SLC27A1: variants seen among roughly 807,000 people sequenced by gnomAD.
The protein encoded by SLC27A1 is long-chain fatty acid transport protein 1.
In SLC27A1, 61 loss-of-function variants were observed where a neutral mutation model predicts 62.2. The observed-to-expected ratio is 0.98, with a 90% CI of 0.80 to 1.21. The LOEUF is 1.21. Ranked by LOEUF, SLC27A1 falls within the 50% of genes most tolerant of loss-of-function variation. The pLI, the probability that SLC27A1 is intolerant of heterozygous loss-of-function variation, is 0.00. For missense variants in SLC27A1, 903 were observed against 932.1 expected (o/e 0.97, Z 0.41); for synonymous variants, 435 against 408.6 (o/e 1.06, Z -0.78).
At chr19:17,489,265 C>A in intron 6 of SLC27A1, 148 bp downstream of exon 6, 1 of 658,912 alleles carries the variant, frequency 1.5e-6, no homozygotes, top group Non-Finnish European at 2.6e-6. Flanking sequence ...CTCTCCCAGC[C>A]AGGCCCCGCC....
At chr19:17,470,385 A>G (rs2075061549), upstream of SLC27A1, 5 of 865,880 alleles carry the variant, frequency 5.8e-6, no homozygotes, top group Non-Finnish European at 8.0e-6. Flanking sequence ...CTGGGGGCGG[A>G]GTCTGACTCG....
At chr19:17,469,431 G>C (rs1433849905), upstream of SLC27A1, among the ~76,000 whole-genome samples, 1 of 152,046 alleles carries the variant, frequency 6.6e-6, no homozygotes, top group Non-Finnish European at 1.5e-5. Context: ...TTGGTCCCCC[G>C]GGGTAGAGAT....
rs773894977 is a variant in SLC27A1 at position 17,497,635 on chromosome 19, C to G, written c.1206+171C>G. 5 of 669,100 alleles carry G rather than the reference C, an allele frequency of 7.5e-6. No individual in the cohort carries two copies. The South Asian group carries it at 8.0e-5, about 11-fold the overall frequency. The allele number at this position is 669,100 out of a possible 1,614,324, so 41.4% of individuals were successfully genotyped here. On this transcript the variant is annotated intron_variant, in intron 7 of 11. Coordinates refer to ENST00000252595, the MANE Select transcript of SLC27A1 (RefSeq NM_198580.3). ...AGTTCCTGGGACTCCCGGTGCACCACCAGAGGGACAATCCTGCAGCCTGCA... is the reference window on the plus strand; with the variant it reads ...AGTTCCTGGGACTCCCGGTGCACCAGCAGAGGGACAATCCTGCAGCCTGCA...
Position 17,500,637 on chromosome 19 carries a change from G to A in SLC27A1, c.1471+5G>A, listed in dbSNP as rs765233878. 6.2e-6 allele frequency: 10 copies of A among 1,613,602 alleles called. No individual in the cohort carries two copies. The highest frequency in any genetic ancestry group is 1.7e-5 in the Admixed American group (1 of 59,960). ...GCGACAGCGCCTACCTCTCAGGTGC[G>A]CAGCCTGCTAGGCCCCGGTGACTGG... On this transcript the variant is annotated splice_donor_5th_base_variant and intron_variant, in intron 9 of 11. Coordinates refer to ENST00000252595, the MANE Select transcript of SLC27A1 (RefSeq NM_198580.3).
chr19:17,474,655 G>C (rs928318433), intron 1 of SLC27A1, among the ~76,000 whole-genome samples: 1 of 148,282 alleles, frequency 6.7e-6, no homozygotes, highest in African/African-American at 2.5e-5. Flanking sequence ...TTTGAGATGG[G>C]AGTTTCGCTT....
At chr19:17,497,155 G>A in intron 6 of SLC27A1, 100 bp from the exon 7 acceptor site, 1 of 890,828 alleles carries the variant, frequency 1.1e-6, no homozygotes, top group East Asian at 3.0e-5. Context: ...CCGCTCATAG[G>A]ATTAGCTCCC....
At chr19:17,487,358 G>C (rs1041777577) in intron 3 of SLC27A1, 23 bp downstream of exon 3, 1 of 1,592,090 alleles carries the variant, frequency 6.3e-7, no homozygotes, top group Non-Finnish European at 8.5e-7. Context: ...TGGGACCCCT[G>C]CTCTATCAAC....
intron 4 of SLC27A1, among the ~76,000 whole-genome samples, chr19:17,488,228 A>T (rs1216438923): frequency 6.6e-6 from 1 of 152,178 alleles, no homozygotes; most frequent in Non-Finnish European, 1.5e-5. Flanking sequence ...GCGTGGTGGC[A>T]CATGACTGTA....
chr19:17,500,885 G>A lies in SLC27A1; in HGVS notation c.1636+9G>A, dbSNP rs1205716292. 6.3e-7 allele frequency: 1 copy of A among 1,599,906 alleles called. No individual in the cohort carries two copies. Among genetic ancestry groups the A allele is most frequent in the East Asian group, 2.2e-5 (1 of 44,742 alleles). On this transcript the variant is annotated intron_variant, in intron 10 of 11. Transcript: ENST00000252595. ...TGGGGTGGCTGTTCCAGGCAAGCTG[G>A]GGTTGCAGGGGGTGGTCCTGAGGCA...
chr19:17,494,015 T>C (rs890561613), intron 6 of SLC27A1, among the ~76,000 whole-genome samples: 4 of 146,236 alleles, frequency 2.7e-5, no homozygotes, highest in African/African-American at 1.0e-4. Context: ...CCCAGGTAGC[T>C]GTTTCTTTTT....
rs1424598668 is a variant in SLC27A1 at position 17,486,715 on chromosome 19, C to T, written c.320C>T (p.Ala107Val). The T allele has an allele frequency of 1.1e-5, 17 of 1,611,996 alleles. No individual in the cohort carries two copies. The highest frequency in any genetic ancestry group is 3.3e-5 in the South Asian group (3 of 91,044). ...GGGACCGGCGAGTGCTGGACCTTTG[C>T]GCAGCTGGACGCCTACTCCAATGCG... ...DAGTGECWTF[A>V]QLDAYSNAVA... is the part of the protein sequence containing the mutation. Residue 107 changes from alanine (A) to valine (V), a missense_variant, in exon 2 of 12, where the codon GCG becomes GTG. Ala to Val is a moderately conservative substitution (Grantham distance 64, BLOSUM62 0). Coordinates refer to ENST00000252595, the MANE Select transcript of SLC27A1 (RefSeq NM_198580.3). This position sits in a 1 kb window ranked among gnomAD's most constrained non-coding sequence, Gnocchi z 6.6.
intron 7 of SLC27A1, chr19:17,499,904 G>GTCGC: frequency 1.4e-5 from 3 of 215,312 alleles, no homozygotes; most frequent in Admixed American, 1.0e-4. Flanking sequence ...AAACATGTTG[G>GTCGC]AGAAGCATTT....
At chr19:17,501,558 C>G (rs1049912314) in intron 11 of SLC27A1, 139 bp downstream of exon 11, 3 of 1,183,768 alleles carry the variant, frequency 2.5e-6, no homozygotes, top group Non-Finnish European at 3.5e-6. Context: ...AATCCCAGCA[C>G]TTTGGGAGGC....
At position 17,500,363 on chromosome 19, in the gene SLC27A1, T is replaced by C. The variant is rs1223972976; in HGVS notation, c.1292T>C (p.Leu431Pro). ...AAGGTCAATGAGGACACAATGGAGC[T>C]GCTGCGGGATGCCCAGGGCCTCTGC... is the stretch of plus-strand genomic sequence containing the variant. ...LVKVNEDTME[L>P]LRDAQGLCIP... is the part of the protein sequence containing the mutation. Residue 431 changes from leucine (L) to proline (P), a missense_variant, in exon 8 of 12, where the codon CTG becomes CCG. Transcript: ENST00000252595. 1 of 1,614,064 alleles carries C rather than the reference T, an allele frequency of 6.2e-7. No individual in the cohort carries two copies. The highest frequency in any genetic ancestry group is 1.3e-5 in the African/African-American group (1 of 74,948).
intron 11 of SLC27A1, among the ~76,000 whole-genome samples, chr19:17,504,232 T>C (rs1471201654): frequency 2.0e-5 from 3 of 152,078 alleles, no homozygotes; most frequent in Non-Finnish European, 2.9e-5. Context: ...GGGTGTACAT[T>C]TTCTTGCCCT....
intron 1 of SLC27A1, among the ~76,000 whole-genome samples, chr19:17,475,040 G>C (rs11667132): frequency 1.3e-5 from 2 of 151,508 alleles, no homozygotes; most frequent in African/African-American, 4.9e-5. Context: ...TCAGCCTCCC[G>C]AGTAGCTGGG....
rs3079223 is a variant in SLC27A1 at position 17,480,541 on chromosome 19, C to CTTTTTTT, written c.168-6011_168-6005dup. Among the ~76,000 whole-genome samples the CTTTTTTT allele has an allele frequency of 7.6e-4, 85 of 111,798 alleles. 1 individual carries two copies. The highest frequency in any genetic ancestry group is 9.5e-4 in the Non-Finnish European group (55 of 58,164). 73.3% of individuals were successfully genotyped at this position (111,798 alleles called of 152,430 possible). Reference sequence around the variant, plus strand: ...GCCACAATGGCCAGTTAATTTTTTTCTTTTTTTTTTTTTTTTTGCAGAGAT... The same window carrying CTTTTTTT: ...GCCACAATGGCCAGTTAATTTTTTTCTTTTTTTTTTTTTTTTTTTTTTTTGCAGAGAT... On this transcript the variant is annotated intron_variant, in intron 1 of 11. Transcript: ENST00000252595.
intron 1 of SLC27A1, among the ~76,000 whole-genome samples, chr19:17,475,646 A>G (rs2075115203): frequency 6.6e-6 from 1 of 152,214 alleles, no homozygotes; most frequent in Non-Finnish European, 1.5e-5. Flanking sequence ...AGGACTCCAG[A>G]GCATGTGCTC....
intron 7 of SLC27A1, chr19:17,497,867 C>G: frequency 4.2e-6 from 1 of 235,544 alleles, no homozygotes; most frequent in Non-Finnish European, 8.4e-6. Context: ...TGGAGTGCAG[C>G]CACGTGATCA....
Sources: allele counts gnomAD v4.1 joint callset (sites outside exome capture counted in the v4.1 genomes callset), GRCh38; gene constraint gnomAD v4.1.1; non-coding constraint Gnocchi (gnomAD v3.1); transcripts MANE v1.5; gene names NCBI Gene and HGNC (gene_info 2026-07-23, HGNC 2026-07-21).